The following BCAS3 variants were observed in gnomAD, a reference collection of about 807,000 sequenced individuals.
The protein encoded by BCAS3 is BCAS4/BCAS3 fusion.
Under a neutral mutation model 116.1 loss-of-function variants are expected in BCAS3, and 53 were observed. The observed-to-expected ratio is 0.46, with a 90% CI of 0.37 to 0.57. The LOEUF is 0.57. BCAS3 is among the 20% of genes least tolerant of loss of function. BCAS3 has a pLI of 0.00. For missense variants in BCAS3, 917 were observed against 1,165.4 expected (o/e 0.79, Z 3.10); for synonymous variants, 391 against 408.2 (o/e 0.96, Z 0.51).
At chr17:60,902,744 A>T in intron 11 of BCAS3, 41 bp downstream of exon 11, 1 of 1,418,648 alleles carries the variant, frequency 7.0e-7, no homozygotes, top group Non-Finnish European at 1.0e-6. Flanking sequence ...GGTTATGTGT[A>T]GTAATTGTTC....
At chr17:60,813,220 G>C (rs553879247) in intron 7 of BCAS3, among the ~76,000 whole-genome samples, 1 of 151,842 alleles carries the variant, frequency 6.6e-6, no homozygotes, top group Admixed American at 6.6e-5. Context: ...TCTATAGACT[G>C]TATTAAGAGT....
intron 14 of BCAS3, among the ~76,000 whole-genome samples, chr17:60,982,149 G>A (rs2062852501): frequency 6.6e-6 from 1 of 151,620 alleles, no homozygotes; most frequent in South Asian, 2.1e-4. Context: ...TTATGTGTGT[G>A]TGATTTTTTT....
In BCAS3 at chr17:61,364,920, T is replaced by C. The variant is rs150280843; in HGVS notation, c.2426-3407T>C. On this transcript the variant is annotated intron_variant, in intron 22 of 23. Coordinates refer to ENST00000407086, the MANE Select transcript of BCAS3 (RefSeq NM_017679.5). This position sits in a 1 kb window ranked among gnomAD's most constrained non-coding sequence, Gnocchi z 5.4. The stretch of plus-strand genomic sequence containing the variant: ...CCTCTACGACCTCTCAGGATCATTA[T>C]GATAGTCAGAATTTATGATGATGCC... 3.3e-5 allele frequency among the ~76,000 whole-genome samples: 5 copies of C among 152,338 alleles called. No individual in the cohort carries two copies. The East Asian group carries it at 9.7e-4, about 29-fold the overall frequency.
intron 6 of BCAS3, among the ~76,000 whole-genome samples, chr17:60,761,803 C>G: frequency 7.6e-6 from 1 of 130,994 alleles, no homozygotes; most frequent in African/African-American, 4.6e-5. Flanking sequence ...AATGGTTGAA[C>G]TAGTTTATGC....
chr17:61,298,542 C>T (rs766466749), intron 22 of BCAS3, among the ~76,000 whole-genome samples: 12 of 152,210 alleles, frequency 7.9e-5, no homozygotes, highest in Non-Finnish European at 1.5e-4. Flanking sequence ...AGCATCATCA[C>T]TCTCCGTGTG....
rs575228932 is a variant in BCAS3, at chr17:61,321,738, A to G, written c.2426-46589A>G. ...CAAATCGTTCTAGTCTCTGAGAACA[A>G]CGCTGACCTAGTGCTCTCCAATCTG... On this transcript the variant is annotated intron_variant, in intron 22 of 23. Coordinates refer to ENST00000407086, the MANE Select transcript of BCAS3 (RefSeq NM_017679.5). 3.2e-3 allele frequency among the ~76,000 whole-genome samples: 483 copies of G among 152,246 alleles called. 4 individuals are homozygous for G. The highest frequency in any genetic ancestry group is 3.4e-3 in the Middle Eastern group (1 of 294).
rs527457630 is a variant in BCAS3 at position 60,722,293 on chromosome 17, T to A, written c.321+12968T>A. On this transcript the variant is annotated intron_variant, in intron 5 of 23. Transcript: ENST00000407086. ...TCATAGGATAAGTACATGTTTACCT[T>A]CAGTAGGTACTGCCAAATAGTTTTC... 1.1e-4 allele frequency among the ~76,000 whole-genome samples: 17 copies of A among 152,346 alleles called. 1 individual carries two copies. The South Asian group carries it at 2.1e-3, about 19-fold the overall frequency.
chr17:61,128,946 C>G lies in BCAS3; in HGVS notation c.2425+44382C>G, dbSNP rs1241939864. On this transcript the variant is annotated intron_variant, in intron 22 of 23. Transcript: ENST00000407086. This position sits in a 1 kb window ranked among gnomAD's most constrained non-coding sequence, Gnocchi z 4.1. Reference sequence around the variant, plus strand: ...GTCAGGCCTAAGGTGGAGAGGGGGACAGGGCTATATTGAGTTCTCCGCAGT... The same window carrying G: ...GTCAGGCCTAAGGTGGAGAGGGGGAGAGGGCTATATTGAGTTCTCCGCAGT... 2.0e-5 allele frequency among the ~76,000 whole-genome samples: 3 copies of G among 152,168 alleles called. No homozygotes were observed. Among genetic ancestry groups the G allele is most frequent in the Admixed American group, 2.0e-4 (3 of 15,276 alleles).
chr17:61,160,423 T>G (rs1387523245), intron 22 of BCAS3, among the ~76,000 whole-genome samples: 1 of 152,154 alleles, frequency 6.6e-6, no homozygotes, highest in Non-Finnish European at 1.5e-5. Context: ...CTAATAGAAC[T>G]TGCTGGGGCA....
intron 14 of BCAS3, among the ~76,000 whole-genome samples, chr17:60,970,057 T>TCC (rs2061870652): frequency 1.3e-5 from 2 of 152,226 alleles, no homozygotes; most frequent in African/African-American, 4.8e-5. Flanking sequence ...ATATGGTCAT[T>TCC]TCTTGTTGAA....
chr17:60,840,606 G>C (rs1025062445), intron 7 of BCAS3, among the ~76,000 whole-genome samples: 8 of 152,108 alleles, frequency 5.3e-5, no homozygotes, highest in African/African-American at 1.9e-4. Flanking sequence ...TGGTTCATTT[G>C]ACTAGGCCTC....
At chr17:61,312,821 G>C (rs3785858) in intron 22 of BCAS3, among the ~76,000 whole-genome samples, 1 of 152,086 alleles carries the variant, frequency 6.6e-6, no homozygotes, top group Admixed American at 6.5e-5. Context: ...CAGTAGCCTC[G>C]GGGTCAGGAC....
In BCAS3 at chr17:61,282,606, T is replaced by C. The variant is rs1307355767; in HGVS notation, c.2426-85721T>C. Among the ~76,000 whole-genome samples, 7 of 152,222 alleles carry C rather than the reference T, an allele frequency of 4.6e-5. No individual in the cohort carries two copies. The highest frequency in any genetic ancestry group is 1.7e-4 in the African/African-American group (7 of 41,452). On this transcript the variant is annotated intron_variant, in intron 22 of 23. Coordinates refer to ENST00000407086, the MANE Select transcript of BCAS3 (RefSeq NM_017679.5). The surrounding 1 kb of genome is among the most constrained non-coding windows in gnomAD (Gnocchi z 5.9). ...AAGGACAAGTTGAATGCCCAAGTTA[T>C]AGAAAGTTATGTTTGTATTGGTCGT...
At chr17:61,321,194 G>A (rs924255547) in intron 22 of BCAS3, among the ~76,000 whole-genome samples, 3 of 151,746 alleles carry the variant, frequency 2.0e-5, no homozygotes, top group African/African-American at 7.3e-5. Context: ...CTCTTCATTT[G>A]TTTAAGGCAG....
chr17:60,865,915 A>G (rs939787944), intron 7 of BCAS3, among the ~76,000 whole-genome samples: 1 of 152,072 alleles, frequency 6.6e-6, no homozygotes, highest in Admixed American at 6.6e-5. Flanking sequence ...AGAAATTCTA[A>G]TTATGGTTTG....
rs1480123362 is a variant in BCAS3, at chr17:61,056,310, T to C, written c.2029+15418T>C. ...CGCGAGTTGGAGTCTTGACCACCAG[T>C]AACTAACTGTGTGGCCTTAGTACAG... On this transcript the variant is annotated intron_variant, in intron 19 of 23. Transcript: ENST00000407086. This position sits in a 1 kb window ranked among gnomAD's most constrained non-coding sequence, Gnocchi z 4.9. Among the ~76,000 whole-genome samples, 1 of 152,218 alleles carries C rather than the reference T, an allele frequency of 6.6e-6. No individual in the cohort carries two copies. The highest frequency in any genetic ancestry group is 6.5e-5 in the Admixed American group (1 of 15,280).
At chr17:61,009,891 C>T (rs1040245592) in intron 15 of BCAS3, among the ~76,000 whole-genome samples, 2 of 151,956 alleles carry the variant, frequency 1.3e-5, no homozygotes, top group Non-Finnish European at 2.9e-5. Flanking sequence ...AACTTTGCAG[C>T]CACATTACCT....
At chr17:60,935,544 A>G (rs2059874038) in intron 13 of BCAS3, among the ~76,000 whole-genome samples, 1 of 152,146 alleles carries the variant, frequency 6.6e-6, no homozygotes, top group Non-Finnish European at 1.5e-5. Flanking sequence ...TCTGTAACAT[A>G]GTCACAGAGT....
At chr17:60,809,155 G>A (rs1450416179) in intron 7 of BCAS3, among the ~76,000 whole-genome samples, 1 of 151,786 alleles carries the variant, frequency 6.6e-6, no homozygotes, top group Non-Finnish European at 1.5e-5. Context: ...GTGGTGGCAT[G>A]TGCCTATAAC....
Sources: allele counts gnomAD v4.1 joint callset (sites outside exome capture counted in the v4.1 genomes callset), GRCh38; gene constraint gnomAD v4.1.1; non-coding constraint Gnocchi (gnomAD v3.1); transcripts MANE v1.5; gene names NCBI Gene and HGNC (gene_info 2026-07-23, HGNC 2026-07-21).